The following PRIM2 variants were observed in gnomAD, a reference collection of about 807,000 sequenced individuals.
PRIM2 encodes DNA primase large subunit.
PRIM2 carries 39 observed loss-of-function variants against 67.3 expected under a neutral mutation model. The ratio of observed to expected loss-of-function variants is 0.58; its 90% CI spans 0.45 to 0.76. PRIM2 has a LOEUF of 0.76. Ranked by LOEUF, PRIM2 falls within the 30% of genes least tolerant of loss-of-function variation. PRIM2 has a pLI of 0.00. For synonymous variants in PRIM2, 143 were observed against 198.7 expected (o/e 0.72, Z 2.36); for missense variants, 398 against 598.7 (o/e 0.66, Z 3.50).
At chr6:57,280,670 T>C in the PRIM2 span, among the ~76,000 whole-genome samples, 1 of 152,058 alleles carries the variant, frequency 6.6e-6, no homozygotes, top group Non-Finnish European at 1.5e-5. Context: ...CTACCACGCC[T>C]GGCTAATCTT....
intron 10 of PRIM2, among the ~76,000 whole-genome samples, chr6:57,541,251 T>G (rs1364619481): frequency 3.3e-4 from 50 of 152,158 alleles, no homozygotes; most frequent in Non-Finnish European, 5.9e-4. Flanking sequence ...ATGACTTTCT[T>G]TCTCTTTTTG....
At chr6:57,455,664 T>C (rs1344873507) in intron 7 of PRIM2, among the ~76,000 whole-genome samples, 1 of 152,216 alleles carries the variant, frequency 6.6e-6, no homozygotes, top group Non-Finnish European at 1.5e-5. Context: ...TCCCTTTATT[T>C]TGAGCCTATA....
chr6:57,543,878 TTAAAG>T (rs1775232047), intron 10 of PRIM2, among the ~76,000 whole-genome samples: 2 of 152,238 alleles, frequency 1.3e-5, no homozygotes, highest in Admixed American at 6.5e-5. Flanking sequence ...AGTATAAATA[TTAAAG>T]TATTGTGTCT....
the PRIM2 span, among the ~76,000 whole-genome samples, chr6:57,294,871 ACGATCTCAGCTCATTGCAAC>A: frequency 2.8e-3 from 427 of 151,088 alleles, 1 homozygote; most frequent in South Asian, 0.017. Flanking sequence ...GTGCAGTGGC[ACGATCTCAGCTCATTGCAAC>A]CTCCACCTCC....
intron 13 of PRIM2, among the ~76,000 whole-genome samples, chr6:57,639,620 A>ACACCTGTACACAAATAAG (rs1554359324): frequency 1.3e-5 from 1 of 78,658 alleles, no homozygotes; most frequent in Non-Finnish European, 2.5e-5. Flanking sequence ...AATACTGTAA[A>ACACCTGTACACAAATAAG]CTAGAAAGTT....
intron 7 of PRIM2, among the ~76,000 whole-genome samples, chr6:57,488,736 T>A (rs1286595248): frequency 4.6e-5 from 7 of 152,134 alleles, no homozygotes; most frequent in Non-Finnish European, 8.8e-5. Flanking sequence ...GATGGAACAG[T>A]CTTTACTCAC....
intron 7 of PRIM2, among the ~76,000 whole-genome samples, chr6:57,446,932 C>A (rs903861406): frequency 5.3e-5 from 8 of 152,168 alleles, no homozygotes; most frequent in African/African-American, 1.9e-4. Flanking sequence ...TACATTTACC[C>A]TTGTGGTACC....
chr6:57,494,360 T>C (rs1554346217), intron 7 of PRIM2, among the ~76,000 whole-genome samples: 4 of 152,202 alleles, frequency 2.6e-5, no homozygotes, highest in Admixed American at 6.5e-5. Flanking sequence ...GTTTTTTCAC[T>C]TTTAGACCAG....
chr6:57,493,080 C>T lies in PRIM2; in HGVS notation c.694-14307C>T, dbSNP rs1554346113. Among the ~76,000 whole-genome samples, 8 of 152,210 alleles carry T rather than the reference C, an allele frequency of 5.3e-5. No individual in the cohort carries two copies. The South Asian group carries it at 6.2e-4, about 12-fold the overall frequency. ...TTATTTTCTTAAGTCCAGATAGTTC[C>T]GCCTGGATGCTTAACAGGCAGTTCA... On this transcript the variant is annotated intron_variant, in intron 7 of 13. Coordinates refer to ENST00000615550, the MANE Select transcript of PRIM2 (RefSeq NM_000947.5).
intron 7 of PRIM2, among the ~76,000 whole-genome samples, chr6:57,440,069 A>G (rs1318357073): frequency 6.6e-6 from 1 of 151,454 alleles, no homozygotes; most frequent in Non-Finnish European, 1.5e-5. Flanking sequence ...AAGTACCAAT[A>G]AGAAAATTAA....
chr6:57,483,607 G>A (rs1348704765), intron 7 of PRIM2, among the ~76,000 whole-genome samples: 2 of 152,152 alleles, frequency 1.3e-5, no homozygotes, highest in Non-Finnish European at 2.9e-5. Context: ...CAAGGCAATT[G>A]CTAATAATGA....
At chr6:57,392,277 CTG>C (rs1770377924) in intron 7 of PRIM2, among the ~76,000 whole-genome samples, 1 of 152,102 alleles carries the variant, frequency 6.6e-6, no homozygotes, top group Non-Finnish European at 1.5e-5. Context: ...TGGACTGAGA[CTG>C]TGGAATTTTC....
At chr6:57,623,668 G>C (rs1776897084) in intron 12 of PRIM2, among the ~76,000 whole-genome samples, 1 of 152,064 alleles carries the variant, frequency 6.6e-6, no homozygotes, top group African/African-American at 2.4e-5. Flanking sequence ...GTTTTATAGA[G>C]TACACTCCCA....
intron 10 of PRIM2, among the ~76,000 whole-genome samples, chr6:57,552,080 A>G (rs1298446945): frequency 1.3e-5 from 2 of 152,112 alleles, no homozygotes; most frequent in African/African-American, 4.8e-5. Context: ...TTTGAGCTGT[A>G]ATGCAGCCAG....
At chr6:57,284,416 T>C in the PRIM2 span, among the ~76,000 whole-genome samples, 1 of 152,232 alleles carries the variant, frequency 6.6e-6, no homozygotes, top group Non-Finnish European at 1.5e-5. Context: ...GTCTATGTTC[T>C]GATCTTAAAC....
chr6:57,335,456 G>T (rs1482722996), intron 5 of PRIM2, among the ~76,000 whole-genome samples: 1 of 152,136 alleles, frequency 6.6e-6, no homozygotes, highest in African/African-American at 2.4e-5. Context: ...AGACTTAAAC[G>T]TCCCTGTCTG....
the PRIM2 span, among the ~76,000 whole-genome samples, chr6:57,248,204 C>T: frequency 6.6e-6 from 1 of 152,162 alleles, no homozygotes; most frequent in Non-Finnish European, 1.5e-5. Context: ...CAAGTTAACA[C>T]TGGAAACAGA....
intron 7 of PRIM2, among the ~76,000 whole-genome samples, chr6:57,490,416 A>G (rs1773862215): frequency 6.6e-6 from 1 of 152,142 alleles, no homozygotes; most frequent in East Asian, 1.9e-4. Flanking sequence ...CTTGTGTTGA[A>G]TATGATCCCA....
chr6:57,550,562 C>G (rs1385892366), intron 10 of PRIM2, among the ~76,000 whole-genome samples: 2 of 152,106 alleles, frequency 1.3e-5, no homozygotes, highest in Non-Finnish European at 2.9e-5. Context: ...ACTCCAAATA[C>G]TTTTTAATTC....
Sources: allele counts gnomAD v4.1 joint callset (sites outside exome capture counted in the v4.1 genomes callset), GRCh38; gene constraint gnomAD v4.1.1; transcripts MANE v1.5; gene names NCBI Gene and HGNC (gene_info 2026-07-23, HGNC 2026-07-21).